LARGE1: variants seen among roughly 807,000 people sequenced by gnomAD.
LARGE1 encodes LARGE xylosyl- and glucuronyltransferase 1, also known as xylosyl- and glucuronyltransferase LARGE1.
Under a neutral mutation model 87.6 loss-of-function variants are expected in LARGE1, and 43 were observed. The observed-to-expected ratio is 0.49, with a 90% CI of 0.38 to 0.63. LARGE1 has a LOEUF of 0.63. LARGE1 is among the 30% of genes least tolerant of loss of function. The pLI is 0.00. For synonymous variants in LARGE1, 434 were observed against 394.6 expected, an observed-to-expected ratio of 1.10 and a Z score of -1.18; for missense variants, 802 against 1,000.2, an observed-to-expected ratio of 0.80 and a Z score of 2.67.
intron 1 of LARGE1, among the ~76,000 whole-genome samples, chr22:33,838,660 G>A (rs1052886962): frequency 4.6e-5 from 7 of 152,152 alleles, no homozygotes; most frequent in Non-Finnish European, 7.3e-5. Flanking sequence ...GTCCTTTAGC[G>A]ATTTCTATCC....
chr22:33,356,990 T>A (rs1940953782), intron 9 of LARGE1, among the ~76,000 whole-genome samples: 1 of 152,152 alleles, frequency 6.6e-6, no homozygotes, highest in African/African-American at 2.4e-5. Flanking sequence ...AGAGCTACCA[T>A]TCAATCTCAC....
Position 33,680,434 on chromosome 22 carries a change from C to A in LARGE1, c.107-29766G>T, listed in dbSNP as rs183057991. 1.7e-3 allele frequency among the ~76,000 whole-genome samples: 250 copies of A among 149,854 alleles called. 4 individuals carry two copies. The highest frequency in any genetic ancestry group is 6.0e-3 in the African/African-American group (246 of 41,332). ...CAGATCTCACTCTATCCATATCAAA[C>A]CTTTGGGAGATTTCTAACTCCAGAA... On this transcript the variant is annotated intron_variant, in intron 2 of 14. Coordinates refer to ENST00000397394, the MANE Select transcript of LARGE1 (RefSeq NM_133642.5).
At chr22:33,137,419 C>A in the LARGE1 span, 1 of 152,482 alleles carries the variant, frequency 6.6e-6, no homozygotes, top group Non-Finnish European at 1.5e-5. Flanking sequence ...CTGTTAAAGG[C>A]ATTCAGTTTC....
intron 2 of LARGE1, among the ~76,000 whole-genome samples, chr22:33,680,823 T>G (rs1298919191): frequency 6.6e-6 from 1 of 150,950 alleles, no homozygotes; most frequent in Non-Finnish European, 1.5e-5. Flanking sequence ...AAAAAAAAAC[T>G]GAAAAGATTA....
At chr22:33,772,914 C>T (rs2085117468) in intron 1 of LARGE1, among the ~76,000 whole-genome samples, 2 of 152,136 alleles carry the variant, frequency 1.3e-5, no homozygotes, top group South Asian at 4.1e-4. Context: ...CAGTCACTCT[C>T]ATACTGCTCC....
chr22:33,583,725 C>A (rs894150818), intron 5 of LARGE1, among the ~76,000 whole-genome samples: 1 of 152,292 alleles, frequency 6.6e-6, no homozygotes, highest in East Asian at 1.9e-4. Flanking sequence ...GGGTCCCCCC[C>A]ATCCAGTATG....
At chr22:33,606,305 T>C (rs1303221013) in intron 4 of LARGE1, among the ~76,000 whole-genome samples, 1 of 151,786 alleles carries the variant, frequency 6.6e-6, no homozygotes, top group East Asian at 1.9e-4. Context: ...CTTGGGAGGC[T>C]GAGGCAGGAA....
rs139899686 is a variant in LARGE1, at chr22:33,501,766, C to G, written c.787+63082G>C. On this transcript the variant is annotated intron_variant, in intron 6 of 14. Transcript: ENST00000397394. ...GTGATGCCGTCCTTCGAGCCCAAAG[C>G]AAGTGATTTTCAACGGCTTATAGTC... Among the ~76,000 whole-genome samples the G allele has an allele frequency of 2.9e-3, 440 of 152,286 alleles. 2 individuals carry two copies. The highest frequency in any genetic ancestry group is 0.024 in the Middle Eastern group (7 of 294).
chr22:33,184,975 C>A lies in LARGE1; in HGVS notation c.1731-18143G>T, dbSNP rs190453892. Among the ~76,000 whole-genome samples the A allele has an allele frequency of 8.5e-5, 13 of 152,234 alleles. 1 individual carries two copies. The highest frequency in any genetic ancestry group is 3.1e-4 in the African/African-American group (13 of 41,566). ...TTGCTTCTGGGAATTCAAAATGGTA[C>A]AGCCACTTTGACAGTTTGATAGTTT... On this transcript the variant is annotated intron_variant, in intron 11 of 11. Coordinates refer to the LARGE1 transcript ENST00000608642.
intron 1 of LARGE1, among the ~76,000 whole-genome samples, chr22:33,880,283 A>T (rs1465376712): frequency 6.6e-6 from 1 of 152,212 alleles, no homozygotes; most frequent in Non-Finnish European, 1.5e-5. Flanking sequence ...AGATCAGACG[A>T]AAGAAAGGTC....
At chr22:33,318,234 C>CAAAA (rs10635054) in intron 10 of LARGE1, among the ~76,000 whole-genome samples, 168 of 114,146 alleles carry the variant, frequency 1.5e-3, no homozygotes, top group Admixed American at 1.8e-3. Context: ...GACTCCATCT[C>CAAAA]AAAAAAAAAA....
At chr22:33,843,586 CCCA>C (rs1162679066) in intron 1 of LARGE1, among the ~76,000 whole-genome samples, 3 of 151,936 alleles carry the variant, frequency 2.0e-5, no homozygotes, top group African/African-American at 7.3e-5. Context: ...CTCTAGCAGT[CCCA>C]CCACCATCCT....
chr22:33,325,840 T>A (rs990925195), intron 10 of LARGE1, among the ~76,000 whole-genome samples: 1 of 152,160 alleles, frequency 6.6e-6, no homozygotes, highest in Non-Finnish European at 1.5e-5. Flanking sequence ...ACTATTTCAT[T>A]TTTACTCCTC....
At chr22:33,829,941 G>C (rs1568967304) in intron 1 of LARGE1, among the ~76,000 whole-genome samples, 1 of 152,128 alleles carries the variant, frequency 6.6e-6, no homozygotes, top group Non-Finnish European at 1.5e-5. Flanking sequence ...AGGCAGACCA[G>C]GCCCCTGCTT....
chr22:33,861,233 G>A (rs17736366), intron 1 of LARGE1, among the ~76,000 whole-genome samples: 94,769 of 151,932 alleles, frequency 0.62, 29,771 homozygotes, highest in South Asian at 0.72. Context: ...CTGAGAGGAG[G>A]TAACAGCTAA....
chr22:33,155,771 T>C, the LARGE1 span, among the ~76,000 whole-genome samples: 7 of 152,276 alleles, frequency 4.6e-5, no homozygotes, highest in Non-Finnish European at 1.0e-4. Context: ...CTCCAGGGCA[T>C]GTCAGAGACT....
At chr22:33,333,105 C>A in intron 10 of LARGE1, among the ~76,000 whole-genome samples, 1 of 151,058 alleles carries the variant, frequency 6.6e-6, no homozygotes, top group East Asian at 1.9e-4. Context: ...CTCCCGGGTT[C>A]ATGCCATTCT....
At chr22:33,721,478 T>C (rs2149441214) in intron 2 of LARGE1, among the ~76,000 whole-genome samples, 1 of 152,288 alleles carries the variant, frequency 6.6e-6, no homozygotes, top group African/African-American at 2.4e-5. Context: ...CCCACTTACC[T>C]TAAATGTCTG....
chr22:33,507,860 G>C (rs988822147), intron 6 of LARGE1, among the ~76,000 whole-genome samples: 1 of 152,102 alleles, frequency 6.6e-6, no homozygotes, highest in African/African-American at 2.4e-5. Flanking sequence ...ACATACCTAG[G>C]GGGACTGTTG....
Sources: allele counts gnomAD v4.1 joint callset (sites outside exome capture counted in the v4.1 genomes callset), GRCh38; gene constraint gnomAD v4.1.1; transcripts MANE v1.5; gene names NCBI Gene and HGNC (gene_info 2026-07-23, HGNC 2026-07-21).